The following BLM variants were observed in gnomAD, a reference collection of about 807,000 sequenced individuals.
The protein encoded by BLM is BLM RecQ like helicase.
In BLM, 95 loss-of-function variants were observed where a neutral mutation model predicts 135.3. The observed-to-expected ratio is 0.70, with a 90% CI of 0.59 to 0.83. The LOEUF (loss-of-function observed/expected upper bound fraction) is 0.83. BLM is among the 40% of genes least tolerant of loss of function. The pLI is 0.00. For synonymous variants in BLM, 520 were observed against 589.2 expected, an observed-to-expected ratio of 0.88 and a Z score of 1.70; for missense variants, 1,518 against 1,663.9, an observed-to-expected ratio of 0.91 and a Z score of 1.53.
At chr15:90,724,300 A>G (rs1353556084) in intron 1 of BLM, among the ~76,000 whole-genome samples, 7 of 152,198 alleles carry the variant, frequency 4.6e-5, no homozygotes, top group Non-Finnish European at 5.9e-5. Context: ...AGCATGAGCC[A>G]CTTCATCTAG....
intron 2 of BLM, among the ~76,000 whole-genome samples, chr15:90,749,092 C>G (rs888657435): frequency 6.6e-6 from 1 of 152,154 alleles, no homozygotes; most frequent in African/African-American, 2.4e-5. Context: ...TCACCCCGCT[C>G]TGGAGATGCT....
chr15:90,746,388 A>G (rs1021970996), intron 1 of BLM, among the ~76,000 whole-genome samples: 2 of 152,216 alleles, frequency 1.3e-5, no homozygotes, highest in Non-Finnish European at 2.9e-5. Context: ...AAGAGGGAAA[A>G]GAAGCAGAAA....
chr15:90,732,036 C>A (rs1895083007), intron 1 of BLM, among the ~76,000 whole-genome samples: 1 of 152,098 alleles, frequency 6.6e-6, no homozygotes, highest in Non-Finnish European at 1.5e-5. Flanking sequence ...CTATTTTCAT[C>A]AGGCTTATTT....
chr15:90,815,275 C>T lies in BLM; in HGVS notation c.4250C>T (p.Ser1417Leu), dbSNP rs1897533974. The change falls in exon 22 of 22, where the codon TCA becomes TTA. Residue 1417 changes from serine (S) to leucine (L), a missense_variant. Around this residue, in one of 5 missense-constraint regions of BLM, gnomAD observed 153 missense variants for 173.4 expected, o/e 0.88. Transcript: ENST00000355112. The surrounding 1 kb of genome is among the most constrained non-coding windows in gnomAD (Gnocchi z 4.6). ...TTTCTTAAGCCTTCATATGCATTCT[C>T]ATAACAACCGAATCTCAATGTACAT... ...RPFLKPSYAF[S>L] 1.9e-6 allele frequency: 3 copies of T among 1,613,660 alleles called. No individual in the cohort carries two copies. The highest frequency in any genetic ancestry group is 2.5e-6 in the Non-Finnish European group (3 of 1,179,732).
At chr15:90,795,630 C>A (rs895359527) in intron 16 of BLM, among the ~76,000 whole-genome samples, 1 of 152,188 alleles carries the variant, frequency 6.6e-6, no homozygotes, top group Admixed American at 6.5e-5. Context: ...CTATCAGTTC[C>A]CTCATTCAAC....
chr15:90,782,718 C>A, intron 12 of BLM, 104 bp from the exon 13 acceptor site: 1 of 849,112 alleles, frequency 1.2e-6, no homozygotes, highest in Non-Finnish European at 1.9e-6. Context: ...CTAATACCAT[C>A]ACACTGGGGG....
intron 15 of BLM, among the ~76,000 whole-genome samples, chr15:90,793,086 A>G (rs947516651): frequency 6.6e-6 from 1 of 151,760 alleles, no homozygotes; most frequent in East Asian, 1.9e-4. Context: ...TATTTGGGGG[A>G]AAAATACTCA....
At chr15:90,731,353 C>T (rs1895065204) in intron 1 of BLM, among the ~76,000 whole-genome samples, 1 of 152,166 alleles carries the variant, frequency 6.6e-6, no homozygotes. Flanking sequence ...AGGAGTTGCC[C>T]TTACAGGACT....
chr15:90,747,652 G>A, intron 2 of BLM, 162 bp downstream of exon 2: 1 of 628,090 alleles, frequency 1.6e-6, no homozygotes, highest in Non-Finnish European at 2.9e-6. Flanking sequence ...GTATGTTTTA[G>A]CAGCACCAGG....
At chr15:90,797,627 A>C (rs1897061251) in intron 16 of BLM, among the ~76,000 whole-genome samples, 1 of 152,134 alleles carries the variant, frequency 6.6e-6, no homozygotes, top group Non-Finnish European at 1.5e-5. Context: ...AGCATGATGC[A>C]GCTTTTTACA....
intron 14 of BLM, among the ~76,000 whole-genome samples, chr15:90,787,657 T>A (rs1896786555): frequency 6.6e-6 from 1 of 151,926 alleles, no homozygotes; most frequent in South Asian, 2.1e-4. Context: ...GAAATAAAAA[T>A]CCAGTTTATG....
rs1895966817 is a variant in BLM, at chr15:90,760,971, A to G, written c.1598A>G (p.Gln533Arg). The G allele has an allele frequency of 1.2e-6, 2 of 1,614,014 alleles. No individual in the cohort carries two copies. The highest frequency in any genetic ancestry group is 2.2e-5 in the East Asian group (1 of 44,880). ...CTCACAAGCACTGCTGTGAAAGATC[A>G]GAATAAACATACTGCTTCAATAAAT... ...NVLTSTAVKD[Q>R]NKHTASINDL... The change falls in exon 7 of 22, where the codon CAG becomes CGG. Residue 533 changes from glutamine to arginine, a missense_variant. Transcript: ENST00000355112.
At chr15:90,803,400 C>T (rs1567062537) in intron 17 of BLM, 121 bp from the exon 18 acceptor site, 17 of 796,210 alleles carry the variant, frequency 2.1e-5, no homozygotes, top group Non-Finnish European at 2.9e-5. Context: ...GTGTCTGTGC[C>T]GGGGTTTGTG....
intron 18 of BLM, 108 bp from the exon 19 acceptor site, chr15:90,804,059 A>G: frequency 9.4e-7 from 1 of 1,061,902 alleles, no homozygotes; most frequent in Non-Finnish European, 1.4e-6. Context: ...TATCTGCATG[A>G]CAGAATAGAA....
chr15:90,789,800 A>C (rs895129335), intron 14 of BLM, among the ~76,000 whole-genome samples: 8 of 152,116 alleles, frequency 5.3e-5, no homozygotes, highest in Admixed American at 2.0e-4. Context: ...CTAAAAAAAA[A>C]CTTGCAGTTT....
chr15:90,774,300 G>GAA (rs1896411863), intron 12 of BLM, among the ~76,000 whole-genome samples: 1 of 151,256 alleles, frequency 6.6e-6, no homozygotes, highest in Admixed American at 6.6e-5. Flanking sequence ...TCAAACTCCT[G>GAA]ACCTCAGGTG....
At chr15:90,800,962 A>G (rs1284301303) in intron 17 of BLM, among the ~76,000 whole-genome samples, 1 of 152,164 alleles carries the variant, frequency 6.6e-6, no homozygotes, top group East Asian at 1.9e-4. Flanking sequence ...AGCCTGGCCA[A>G]CATGGCAAAA....
At chr15:90,725,658 G>A (rs979101235) in intron 1 of BLM, among the ~76,000 whole-genome samples, 4 of 146,972 alleles carry the variant, frequency 2.7e-5, no homozygotes, top group Non-Finnish European at 6.0e-5. Context: ...CCGCCACCAT[G>A]CCCGGCTAAT....
intron 14 of BLM, among the ~76,000 whole-genome samples, chr15:90,786,255 T>A (rs1315234815): frequency 6.6e-6 from 1 of 152,174 alleles, no homozygotes; most frequent in East Asian, 1.9e-4. Context: ...ACCAAATTCC[T>A]GCGATTATAG....
Sources: allele counts gnomAD v4.1 joint callset (sites outside exome capture counted in the v4.1 genomes callset), GRCh38; gene constraint gnomAD v4.1.1; regional missense constraint gnomAD v4.1.1; non-coding constraint Gnocchi (gnomAD v3.1); transcripts MANE v1.5; gene names NCBI Gene and HGNC (gene_info 2026-07-23, HGNC 2026-07-21).